Variants in ZNF470 observed in about 807,000 individuals in gnomAD.
The protein encoded by ZNF470 is chondrogenesis zinc finger protein 1.
In ZNF470, 13 loss-of-function variants were observed where a neutral mutation model predicts 13.9. That is an observed-to-expected ratio of 0.94 (90% CI 0.61 to 1.49). The LOEUF is 1.49. ZNF470 is among the 40% of genes most tolerant of loss of function. The pLI is 0.00. For missense variants in ZNF470, 929 were observed against 857.3 expected (o/e 1.08, Z -1.04); for synonymous variants, 293 against 282.9 (o/e 1.04, Z -0.36).
Position 56,578,762 on chromosome 19 carries a change from A to G in ZNF470, c.*179A>G. 1.6e-6 allele frequency: 2 copies of G among 1,247,512 alleles called. No individual in the cohort carries two copies. The highest frequency in any genetic ancestry group is 2.0e-6 in the Non-Finnish European group (2 of 993,898). The allele number at this position is 1,247,512 out of a possible 1,614,324, so 77.3% of individuals were successfully genotyped here. The stretch of plus-strand genomic sequence containing the variant: ...GCAGCCTAACCTTTTAAAAATAAAA[A>G]TACATAATTTATGTTATTTTCCCAT... On this transcript the variant is annotated 3_prime_UTR_variant, in exon 6 of 6. Coordinates refer to ENST00000330619, the MANE Select transcript of ZNF470 (RefSeq NM_001001668.4).
rs760952746 is a variant in ZNF470 at position 56,577,919 on chromosome 19, CTCA to C, written c.1497_1499del (p.His499del). 21 of 1,613,752 alleles carry C rather than the reference CTCA, an allele frequency of 1.3e-5. No homozygotes were observed. The highest frequency in any genetic ancestry group is 5.3e-5 in the African/African-American group (4 of 74,842). ...GCTTTCCGGCAGAGCACGCATCTGG[CTCA>C]TCATCAGAGAATTCATACTGGAGAG... On this transcript the variant is annotated inframe_deletion, in exon 6 of 6. Coordinates refer to ENST00000330619, the MANE Select transcript of ZNF470 (RefSeq NM_001001668.4).
intron 3 of ZNF470, among the ~76,000 whole-genome samples, chr19:56,571,539 A>G (rs1178696327): frequency 6.6e-6 from 1 of 152,164 alleles, no homozygotes; most frequent in Non-Finnish European, 1.5e-5. Flanking sequence ...GTAAGAAAGT[A>G]TTGAATTTGG....
chr19:56,578,117 A>G lies in ZNF470; in HGVS notation c.1688A>G (p.Lys563Arg). Residue 563 changes from lysine to arginine, a missense_variant, in exon 6 of 6, where the codon AAG becomes AGG. Coordinates refer to ENST00000330619, the MANE Select transcript of ZNF470 (RefSeq NM_001001668.4). ...CACCAGAGAGTTCATACTGGTGAGA[A>G]GCCTTACGAATGTATTGAATGTGGG... ...VQHQRVHTGE[K>R]PYECIECGKA... The G allele has an allele frequency of 1.2e-6, 2 of 1,614,020 alleles. No homozygotes were observed. Among genetic ancestry groups the G allele is most frequent in the South Asian group, 1.1e-5 (1 of 91,068 alleles).
At position 56,579,194 on chromosome 19, in the gene ZNF470, G is replaced by A; in HGVS notation, c.*611G>A. The A allele has an allele frequency of 1.0e-6, 1 of 967,384 alleles. No individual in the cohort carries two copies. Among genetic ancestry groups the A allele is most frequent in the Non-Finnish European group, 1.2e-6 (1 of 813,550 alleles). 59.9% of individuals were successfully genotyped at this position (967,384 alleles called of 1,614,324 possible). ...CCCAGCACTTTGGGAGGCTGAGGCAGGCAGATTGCTTGAGCTCAGGAGTTC... is the reference window on the plus strand; with the variant it reads ...CCCAGCACTTTGGGAGGCTGAGGCAAGCAGATTGCTTGAGCTCAGGAGTTC... On this transcript the variant is annotated 3_prime_UTR_variant, in exon 6 of 6. Coordinates refer to ENST00000330619, the MANE Select transcript of ZNF470 (RefSeq NM_001001668.4).
At chr19:56,573,384 G>T (rs1327729084) in intron 3 of ZNF470, among the ~76,000 whole-genome samples, 2 of 152,164 alleles carry the variant, frequency 1.3e-5, no homozygotes, top group East Asian at 3.9e-4. Context: ...GTTAAATTTG[G>T]CCAACCTCAC....
intron 2 of ZNF470, among the ~76,000 whole-genome samples, chr19:56,569,984 G>C (rs2044439046): frequency 9.7e-6 from 1 of 103,018 alleles, no homozygotes; most frequent in Non-Finnish European, 1.9e-5. Flanking sequence ...GTGAGTCCCT[G>C]TCTTAGAAAA....
chr19:56,574,304 T>A, intron 3 of ZNF470, 90 bp from the exon 4 acceptor site: 1 of 1,594,482 alleles, frequency 6.3e-7, no homozygotes, highest in East Asian at 2.2e-5. Context: ...GTGTTTTTAA[T>A]CCCAAAGTGA....
Position 56,578,237 on chromosome 19 carries a change from G to A in ZNF470, c.1808G>A (p.Arg603Lys), listed in dbSNP as rs1383421637. ...YECLECGKAF[R>K]QRASLICHQR... ...TGTCTTGAATGTGGGAAGGCATTCA[G>A]GCAGAGGGCATCCTTGATTTGTCAT... The change falls in exon 6 of 6, where the codon AGG (arginine) becomes AAG (lysine). Residue 603 changes from arginine (R) to lysine (K), a missense_variant. Physicochemically the swap from Arg to Lys is conservative, Grantham distance 26 (BLOSUM62 2). Coordinates refer to ENST00000330619, the MANE Select transcript of ZNF470 (RefSeq NM_001001668.4). 2.5e-6 allele frequency: 4 copies of A among 1,613,880 alleles called. No individual in the cohort carries two copies. The African/African-American group carries it at 5.3e-5, about 22-fold the overall frequency.
Position 56,580,039 on chromosome 19 carries a change from C to A in ZNF470, c.*1456C>A, listed in dbSNP as rs1035217089. 13 of 602,552 alleles carry A rather than the reference C, an allele frequency of 2.2e-5. No homozygotes were observed. The highest frequency in any genetic ancestry group is 2.7e-5 in the Non-Finnish European group (13 of 481,306). The allele number at this position is 602,552 out of a possible 1,614,324, so 37.3% of individuals were successfully genotyped here. A position where few individuals can be genotyped will look rare whatever the true frequency, so the allele number is the denominator to read the frequency against. The stretch of plus-strand genomic sequence containing the variant: ...ACGTGCTCTTACAGATCTAGTAGAA[C>A]AGAAAAAATTAAATGCATGCTATGT... On this transcript the variant is annotated 3_prime_UTR_variant, in exon 6 of 6. Transcript: ENST00000330619.
Position 56,581,235 on chromosome 19 carries a change from G to A in ZNF470, c.*2652G>A, listed in dbSNP as rs2044533228. On this transcript the variant is annotated 3_prime_UTR_variant, in exon 6 of 6. Coordinates refer to ENST00000330619, the MANE Select transcript of ZNF470 (RefSeq NM_001001668.4). The stretch of plus-strand genomic sequence containing the variant: ...ATTCACAAAAGATGCAATAAAAGCA[G>A]TTAATGAAAATTATCCAATATCACT... The A allele has an allele frequency of 1.6e-6, 1 of 608,198 alleles. No homozygotes were observed. Among genetic ancestry groups the A allele is most frequent in the Non-Finnish European group, 2.1e-6 (1 of 486,134 alleles). 37.7% of individuals were successfully genotyped at this position (608,198 alleles called of 1,614,324 possible). A position where few individuals can be genotyped will look rare whatever the true frequency, so the allele number is the denominator to read the frequency against.
rs546242418 is a variant in ZNF470 at position 56,582,361 on chromosome 19, A to G, written c.*3778A>G. The stretch of plus-strand genomic sequence containing the variant: ...AAGGCAAAAAAAATTCACCTAAGGG[A>G]TTTTGTATGATATTGTTGAAAGATG... On this transcript the variant is annotated 3_prime_UTR_variant, in exon 6 of 6. Coordinates refer to ENST00000330619, the MANE Select transcript of ZNF470 (RefSeq NM_001001668.4). The G allele has an allele frequency of 2.0e-6, 2 of 985,330 alleles. No individual in the cohort carries two copies. Among genetic ancestry groups the G allele is most frequent in the East Asian group, 2.3e-4 (2 of 8,804 alleles). The allele number at this position is 985,330 out of a possible 1,614,324, so 61.0% of individuals were successfully genotyped here.
chr19:56,569,515 G>A (rs2044435157), intron 2 of ZNF470, among the ~76,000 whole-genome samples: 1 of 152,198 alleles, frequency 6.6e-6, no homozygotes, highest in Admixed American at 6.5e-5. Context: ...CCAGACCTAG[G>A]TTGGTGACTA....
In ZNF470 at chr19:56,579,339, T is replaced by G; in HGVS notation, c.*756T>G. On this transcript the variant is annotated 3_prime_UTR_variant, in exon 6 of 6. Transcript: ENST00000330619. ...CAGGAGGCTGAAGCAGGAGGATTGCTTGAGCCCAGGAGGTAGAGGTTGCAG... is the reference window on the plus strand; with the variant it reads ...CAGGAGGCTGAAGCAGGAGGATTGCGTGAGCCCAGGAGGTAGAGGTTGCAG... The G allele has an allele frequency of 1.4e-6, 1 of 726,804 alleles. No individual in the cohort carries two copies. Among genetic ancestry groups the G allele is most frequent in the Non-Finnish European group, 1.7e-6 (1 of 594,242 alleles). The allele number at this position is 726,804 out of a possible 1,614,324, so 45.0% of individuals were successfully genotyped here.
rs1568498157 is a variant in ZNF470 at position 56,582,168 on chromosome 19, GC to G, written c.*3586del. ...GAAAGCATCTCATGGTGTGCGATGAGCAAACGCCTGATTATTCATTATAGTC... is the reference window on the plus strand; with the variant it reads ...GAAAGCATCTCATGGTGTGCGATGAGAAACGCCTGATTATTCATTATAGTC... On this transcript the variant is annotated 3_prime_UTR_variant, in exon 6 of 6. Coordinates refer to ENST00000330619, the MANE Select transcript of ZNF470 (RefSeq NM_001001668.4). 1.0e-6 allele frequency: 1 copy of G among 985,236 alleles called. No individual in the cohort carries two copies. Among genetic ancestry groups the G allele is most frequent in the African/African-American group, 1.7e-5 (1 of 57,222 alleles). 61.0% of individuals were successfully genotyped at this position (985,236 alleles called of 1,614,324 possible).
In ZNF470 at chr19:56,567,588, T is replaced by C. The variant is rs2044419906; in HGVS notation, c.-609T>C. The C allele has an allele frequency of 3.0e-6, 3 of 987,714 alleles. No individual in the cohort carries two copies. Among genetic ancestry groups the C allele is most frequent in the Admixed American group, 6.2e-5 (1 of 16,192 alleles). The allele number at this position is 987,714 out of a possible 1,614,324, so 61.2% of individuals were successfully genotyped here. ...GGGCGCGGCGGGGGCGGTGTCCTGG[T>C]TCCTGTGTGGGCGGCGGGCGTGAGC... On this transcript the variant is annotated 5_prime_UTR_variant, in exon 1 of 6. Transcript: ENST00000330619.
At chr19:56,575,108 A>G (rs1272369222) in intron 5 of ZNF470, among the ~76,000 whole-genome samples, 1 of 152,110 alleles carries the variant, frequency 6.6e-6, no homozygotes, top group Non-Finnish European at 1.5e-5. Context: ...GTTAACATGT[A>G]TTACAGCTAT....
Position 56,574,380 on chromosome 19 carries a change from T to C in ZNF470, c.61-14T>C, listed in dbSNP as rs941869676. On this transcript the variant is annotated splice_polypyrimidine_tract_variant and intron_variant, in intron 3 of 5. Transcript: ENST00000330619. ...GAACACTGAGTGAGCAAGATCATAT[T>C]TGTGTCATTTTAGGGTTCAGTGACT... is the stretch of plus-strand genomic sequence containing the variant. The C allele has an allele frequency of 1.2e-6, 2 of 1,613,542 alleles. No individual in the cohort carries two copies. Among genetic ancestry groups the C allele is most frequent in the Non-Finnish European group, 1.7e-6 (2 of 1,179,554 alleles).
intron 1 of ZNF470, 104 bp downstream of exon 1, chr19:56,568,142 A>G: frequency 1.0e-6 from 1 of 982,468 alleles, no homozygotes; most frequent in Non-Finnish European, 1.2e-6. Flanking sequence ...CCCGTTTCTA[A>G]GGCTAGTGGA....
intron 3 of ZNF470, chr19:56,574,141 T>C: frequency 1.6e-6 from 1 of 624,190 alleles, no homozygotes; most frequent in South Asian, 1.8e-5. Flanking sequence ...TGGTAATGTA[T>C]TCTCGCCACC....
Sources: gnomAD v4.1 joint callset for allele counts (sites outside exome capture counted in the v4.1 genomes callset) on GRCh38, gnomAD v4.1.1 for gene constraint, MANE v1.5 for transcripts, NCBI Gene and HGNC (gene_info 2026-07-23, HGNC 2026-07-21) for gene names.